Variants in NLGN1 observed in about 807,000 individuals in gnomAD.
The protein encoded by NLGN1 is neuroligin-1.
NLGN1 carries 12 observed loss-of-function variants against 65.5 expected under a neutral mutation model. The observed-to-expected ratio is 0.18, with a 90% CI of 0.12 to 0.30. NLGN1 has a LOEUF of 0.30. Among genes scored for constraint, NLGN1 ranks in the 10% least tolerant of loss-of-function variants. NLGN1 has a pLI of 1.00. For missense variants in NLGN1, 750 were observed against 1,007.1 expected (o/e 0.74, Z 3.46); for synonymous variants, 350 against 359.5 (o/e 0.97, Z 0.30).
chr3:174,073,015 G>T (rs367583501), intron 4 of NLGN1, among the ~76,000 whole-genome samples: 126 of 152,208 alleles, frequency 8.3e-4, no homozygotes, highest in African/African-American at 2.8e-3. Context: ...GGAATTTTCT[G>T]GAGTGAAATT....
At chr3:173,427,460 T>G (rs180894290) in intron 1 of NLGN1, among the ~76,000 whole-genome samples, 1 of 152,046 alleles carries the variant, frequency 6.6e-6, no homozygotes, top group Non-Finnish European at 1.5e-5. Context: ...CTGTAAACTT[T>G]TTTCTTAGTA....
rs1188507215 is a variant in NLGN1, at chr3:173,403,840, T to C, written c.-390+5353T>C. Among the ~76,000 whole-genome samples, 4 of 152,156 alleles carry C rather than the reference T, an allele frequency of 2.6e-5. No individual in the cohort carries two copies. In the East Asian group the frequency reaches 7.7e-4, roughly 29 times the overall value. ...AACAAGAAATGATGTAATGAATACATGCACAAACAAATGAGTGCCATCGCG... is the reference window on the plus strand; with the variant it reads ...AACAAGAAATGATGTAATGAATACACGCACAAACAAATGAGTGCCATCGCG... On this transcript the variant is annotated intron_variant, in intron 1 of 6. Coordinates refer to ENST00000457714, the Ensembl canonical transcript of NLGN1.
intron 2 of NLGN1, among the ~76,000 whole-genome samples, chr3:173,470,025 G>A (rs1725059105): frequency 6.6e-6 from 1 of 151,452 alleles, no homozygotes; most frequent in Non-Finnish European, 1.5e-5. Context: ...AGCATTTGAG[G>A]GTGACCCTCA....
exon 7 of NLGN1, chr3:174,281,158 T>C: frequency 6.2e-7 from 1 of 1,613,336 alleles, no homozygotes; most frequent in South Asian, 1.1e-5. Flanking sequence ...GTTCCCTTAA[T>C]GACACCCAAC....
intron 4 of NLGN1, among the ~76,000 whole-genome samples, chr3:174,244,458 C>T (rs1276158351): frequency 5.3e-5 from 8 of 152,108 alleles, no homozygotes; most frequent in Non-Finnish European, 4.4e-5. Flanking sequence ...TATATATGCT[C>T]ACTGAGATGG....
At chr3:173,428,752 T>C (rs1716627571) in intron 1 of NLGN1, among the ~76,000 whole-genome samples, 2 of 152,134 alleles carry the variant, frequency 1.3e-5, no homozygotes, top group Admixed American at 6.5e-5. Flanking sequence ...TACTTTCAGA[T>C]GTTTTCATTT....
chr3:173,743,462 T>A (rs1774937820), intron 3 of NLGN1, among the ~76,000 whole-genome samples: 1 of 152,162 alleles, frequency 6.6e-6, no homozygotes, highest in South Asian at 2.1e-4. Flanking sequence ...TTCATACTAC[T>A]TCAGTGTCAC....
At chr3:173,937,984 T>A (rs1316547831) in intron 4 of NLGN1, among the ~76,000 whole-genome samples, 1 of 152,188 alleles carries the variant, frequency 6.6e-6, no homozygotes, top group Non-Finnish European at 1.5e-5. Context: ...TGGGTTTATA[T>A]TAAGTACATA....
chr3:173,750,997 A>G (rs1038114899), intron 3 of NLGN1, among the ~76,000 whole-genome samples: 15 of 152,042 alleles, frequency 9.9e-5, no homozygotes, highest in Non-Finnish European at 1.8e-4. Context: ...TTAAACTATT[A>G]CCCTATTTCT....
At chr3:173,518,958 A>G (rs531929655) in intron 2 of NLGN1, among the ~76,000 whole-genome samples, 2 of 152,190 alleles carry the variant, frequency 1.3e-5, no homozygotes, top group African/African-American at 4.8e-5. Flanking sequence ...GGATATAATG[A>G]TCTTGTTGGC....
chr3:174,147,402 T>A (rs2152698373), intron 4 of NLGN1, among the ~76,000 whole-genome samples: 1 of 150,030 alleles, frequency 6.7e-6, no homozygotes, highest in East Asian at 2.0e-4. Context: ...TCTGAATTTT[T>A]GTGTAATGGC....
At chr3:174,210,408 T>G (rs573153149) in intron 4 of NLGN1, among the ~76,000 whole-genome samples, 1 of 152,306 alleles carries the variant, frequency 6.6e-6, no homozygotes, top group East Asian at 1.9e-4. Context: ...AAATATTTGT[T>G]GAATAAATAA....
intron 2 of NLGN1, among the ~76,000 whole-genome samples, chr3:173,560,534 T>A (rs937467092): frequency 1.8e-4 from 28 of 152,178 alleles, no homozygotes; most frequent in East Asian, 9.7e-4. Context: ...ATTTTTTTTT[T>A]TTATTATTCT....
chr3:174,178,800 AAAGC>A (rs1729894056), intron 4 of NLGN1, among the ~76,000 whole-genome samples: 1 of 152,156 alleles, frequency 6.6e-6, no homozygotes, highest in Non-Finnish European at 1.5e-5. Flanking sequence ...TGACTTCCAG[AAAGC>A]CTGATGTGCT....
chr3:173,531,372 A>T (rs73045413), intron 2 of NLGN1, among the ~76,000 whole-genome samples: 4,357 of 152,124 alleles, frequency 0.029, 198 homozygotes, highest in African/African-American at 0.095. Context: ...TTAAAATTTT[A>T]TATTATTGCT....
intron 3 of NLGN1, among the ~76,000 whole-genome samples, chr3:173,656,727 C>A (rs770392615): frequency 2.0e-5 from 3 of 151,988 alleles, no homozygotes; most frequent in Non-Finnish European, 4.4e-5. Context: ...CTCAGTCTTA[C>A]CCAATGAGAA....
intron 4 of NLGN1, among the ~76,000 whole-genome samples, chr3:173,871,333 A>T (rs535946497): frequency 6.6e-6 from 1 of 152,204 alleles, no homozygotes; most frequent in Non-Finnish European, 1.5e-5. Context: ...TTGCAAATGT[A>T]TGATTTTTTT....
intron 4 of NLGN1, among the ~76,000 whole-genome samples, chr3:174,083,650 G>A (rs140074126): frequency 2.5e-4 from 38 of 152,142 alleles, no homozygotes; most frequent in Middle Eastern, 3.4e-3. Flanking sequence ...AAGAAATGCC[G>A]GAAAGTTCAT....
intron 4 of NLGN1, among the ~76,000 whole-genome samples, chr3:174,084,619 G>C (rs1162022857): frequency 6.6e-6 from 1 of 151,982 alleles, no homozygotes; most frequent in Non-Finnish European, 1.5e-5. Context: ...GTCAAAAAAT[G>C]GTAAGAAGGG....
Sources: gnomAD v4.1 joint callset for allele counts (sites outside exome capture counted in the v4.1 genomes callset) on GRCh38, gnomAD v4.1.1 for gene constraint, MANE v1.5 for transcripts, NCBI Gene and HGNC (gene_info 2026-07-23, HGNC 2026-07-21) for gene names.